CRIPT: variants seen among roughly 807,000 people sequenced by gnomAD.
CRIPT encodes the protein cysteine-rich PDZ-binding protein.
CRIPT carries 20 observed loss-of-function variants against 16.6 expected under a neutral mutation model. That is an observed-to-expected ratio of 1.20 (90% CI 0.85 to 1.75). The LOEUF is 1.75. Ranked by LOEUF, CRIPT falls within the 40% of genes most tolerant of loss-of-function variation. The pLI is 0.00. For missense variants in CRIPT, 133 were observed against 115.3 expected, an observed-to-expected ratio of 1.15 and a Z score of -0.70; for synonymous variants, 42 against 37.0, an observed-to-expected ratio of 1.14 and a Z score of -0.49.
In CRIPT at chr2:46,625,974, G is replaced by A. The variant is rs372853600; in HGVS notation, c.*1747G>A. On this transcript the variant is annotated 3_prime_UTR_variant, in exon 5 of 5. Transcript: ENST00000238892. ...TTTCAACTTTTATTTTAGATGTAGG[G>A]GTACATGTGCAGGTGAGTTATATGG... Among the ~76,000 whole-genome samples, 11 of 152,012 alleles carry A rather than the reference G, an allele frequency of 7.2e-5. No individual in the cohort carries two copies. The highest frequency in any genetic ancestry group is 2.7e-4 in the African/African-American group (11 of 41,368).
rs1254967135 is a variant in CRIPT, at chr2:46,625,030, A to G, written c.*803A>G. 1.3e-5 allele frequency: 2 copies of G among 150,332 alleles called. No homozygotes were observed. The highest frequency in any genetic ancestry group is 3.0e-5 in the Non-Finnish European group (2 of 67,646). 9.3% of individuals were successfully genotyped at this position (150,332 alleles called of 1,614,324 possible). A position where few individuals can be genotyped will look rare whatever the true frequency, so the allele number is the denominator to read the frequency against. On this transcript the variant is annotated 3_prime_UTR_variant, in exon 5 of 5. Transcript: ENST00000238892. ...CTGTCTTGCCCCCTAAAAGAAATAAATAGAGCAAACATCTTGACTCTCCCT... is the reference window on the plus strand; with the variant it reads ...CTGTCTTGCCCCCTAAAAGAAATAAGTAGAGCAAACATCTTGACTCTCCCT...
At position 46,625,576 on chromosome 2, in the gene CRIPT, C is replaced by A. The variant is rs1458610221; in HGVS notation, c.*1349C>A. On this transcript the variant is annotated 3_prime_UTR_variant, in exon 5 of 5. Transcript: ENST00000238892. ...AATGTATAGAAAGTGTGATGAGATA[C>A]ATGAATGGCATTTTTATTGGTCATA... 1 of 151,896 alleles carries A rather than the reference C, an allele frequency of 6.6e-6. No homozygotes were observed. Among genetic ancestry groups the A allele is most frequent in the South Asian group, 2.1e-4 (1 of 4,808 alleles). 9.4% of individuals were successfully genotyped at this position (151,896 alleles called of 1,614,324 possible). A position where few individuals can be genotyped will look rare whatever the true frequency, so the allele number is the denominator to read the frequency against.
At chr2:46,617,875 C>T (rs1225574642) in intron 1 of CRIPT, among the ~76,000 whole-genome samples, 1 of 152,000 alleles carries the variant, frequency 6.6e-6, no homozygotes, top group African/African-American at 2.4e-5. Context: ...ACCTGGCGTT[C>T]AGGACCCTCC....
At position 46,619,625 on chromosome 2, in the gene CRIPT, A is replaced by G; in HGVS notation, c.83-2A>G. On this transcript the variant is annotated splice_acceptor_variant, in intron 2 of 4. Coordinates refer to ENST00000238892, the MANE Select transcript of CRIPT (RefSeq NM_014171.6). LOFTEE classifies it high-confidence loss of function. ...ACTAAAATATCTTTTATTCTGATAC[A>G]GAAAGTGGTGGAAGAAAGCTGAATG... 1 of 1,607,064 alleles carries G rather than the reference A, an allele frequency of 6.2e-7. No homozygotes were observed. The highest frequency in any genetic ancestry group is 8.5e-7 in the Non-Finnish European group (1 of 1,174,920).
At chr2:46,618,360 C>CT (rs1332124373) in intron 1 of CRIPT, among the ~76,000 whole-genome samples, 1 of 152,034 alleles carries the variant, frequency 6.6e-6, no homozygotes, top group African/African-American at 2.4e-5. Context: ...TCTTAAGATC[C>CT]ACCTGTGGAA....
Position 46,630,027 on chromosome 2 carries a change from T to G in CRIPT, c.*5800T>G, listed in dbSNP as rs976221225. 6.6e-6 allele frequency among the ~76,000 whole-genome samples: 1 copy of G among 152,180 alleles called. No individual in the cohort carries two copies. Among genetic ancestry groups the G allele is most frequent in the Non-Finnish European group, 1.5e-5 (1 of 68,032 alleles). On this transcript the variant is annotated 3_prime_UTR_variant, in exon 5 of 5. Coordinates refer to ENST00000238892, the MANE Select transcript of CRIPT (RefSeq NM_014171.6). ...TTATCATCAACTTCGAGTAAGTACT[T>G]TTTTCTGAGCCATTTGAATATTCCT... is the stretch of plus-strand genomic sequence containing the variant.
chr2:46,618,500 T>A (rs1670723728), intron 1 of CRIPT, among the ~76,000 whole-genome samples: 1 of 152,234 alleles, frequency 6.6e-6, no homozygotes, highest in Admixed American at 6.5e-5. Context: ...TATATATTTA[T>A]GGAACAAATA....
At position 46,629,994 on chromosome 2, in the gene CRIPT, G is replaced by T. The variant is rs935178984; in HGVS notation, c.*5767G>T. Among the ~76,000 whole-genome samples the T allele has an allele frequency of 6.6e-6, 1 of 151,980 alleles. No homozygotes were observed. Among genetic ancestry groups the T allele is most frequent in the African/African-American group, 2.4e-5 (1 of 41,344 alleles). The stretch of plus-strand genomic sequence containing the variant: ...GTCATCATTCTACTGTAAGGAAGAG[G>T]TTTCCCTTTATCATCAACTTCGAGT... On this transcript the variant is annotated 3_prime_UTR_variant, in exon 5 of 5. Coordinates refer to ENST00000238892, the MANE Select transcript of CRIPT (RefSeq NM_014171.6).
At chr2:46,617,473 T>C (rs746320620) in intron 1 of CRIPT, among the ~76,000 whole-genome samples, 175 bp downstream of exon 1, 2 of 152,142 alleles carry the variant, frequency 1.3e-5, no homozygotes, top group Non-Finnish European at 2.9e-5. Context: ...CATACAGTCC[T>C]ATATATTTTG....
In CRIPT at chr2:46,629,762, C is replaced by G. The variant is rs976984960; in HGVS notation, c.*5535C>G. On this transcript the variant is annotated 3_prime_UTR_variant, in exon 5 of 5. Transcript: ENST00000238892. ...CACTTGGGTAAGATGTCCAGTTTCT[C>G]CAGTGTATCGTTATTGTTTTTCCTT... is the stretch of plus-strand genomic sequence containing the variant. 6.6e-6 allele frequency among the ~76,000 whole-genome samples: 1 copy of G among 152,118 alleles called. No individual in the cohort carries two copies. Among genetic ancestry groups the G allele is most frequent in the Non-Finnish European group, 1.5e-5 (1 of 68,038 alleles).
chr2:46,629,793 A>G lies in CRIPT; in HGVS notation c.*5566A>G, dbSNP rs1426673737. On this transcript the variant is annotated 3_prime_UTR_variant, in exon 5 of 5. Transcript: ENST00000238892. ...TATCGTTATTGTTTTTCCTTTTGCA[A>G]TTAGTGGGTAATTTGTGAGGAGAAA... is the stretch of plus-strand genomic sequence containing the variant. Among the ~76,000 whole-genome samples, 4 of 152,144 alleles carry G rather than the reference A, an allele frequency of 2.6e-5. No individual in the cohort carries two copies. Among genetic ancestry groups the G allele is most frequent in the Admixed American group, 6.5e-5 (1 of 15,272 alleles).
chr2:46,627,040 C>G lies in CRIPT; in HGVS notation c.*2813C>G, dbSNP rs1455526884. Among the ~76,000 whole-genome samples the G allele has an allele frequency of 6.6e-6, 1 of 152,128 alleles. No homozygotes were observed. The highest frequency in any genetic ancestry group is 1.5e-5 in the Non-Finnish European group (1 of 68,030). ...TAGAGACAGGGTTTCACCATGTTGGCCAGCCTGGTCTCGAATTCCTGACCT... is the reference window on the plus strand; with the variant it reads ...TAGAGACAGGGTTTCACCATGTTGGGCAGCCTGGTCTCGAATTCCTGACCT... On this transcript the variant is annotated 3_prime_UTR_variant, in exon 5 of 5. Coordinates refer to ENST00000238892, the MANE Select transcript of CRIPT (RefSeq NM_014171.6).
rs1197805208 is a variant in CRIPT, at chr2:46,628,133, G to A, written c.*3906G>A. Among the ~76,000 whole-genome samples the A allele has an allele frequency of 2.8e-5, 4 of 142,314 alleles. No individual in the cohort carries two copies. The highest frequency in any genetic ancestry group is 2.2e-4 in the South Asian group (1 of 4,602). The allele number at this position is 142,314 out of a possible 152,430, so 93.4% of individuals were successfully genotyped here. A position where few individuals can be genotyped will look rare whatever the true frequency, so the allele number is the denominator to read the frequency against. On this transcript the variant is annotated 3_prime_UTR_variant, in exon 5 of 5. Coordinates refer to ENST00000238892, the MANE Select transcript of CRIPT (RefSeq NM_014171.6). ...TTTTCTTTTTTTTTTTTTTTGAGAC[G>A]GAGTCTTGCTGTGTCTCCCAGGCTC...
At chr2:46,617,333 G>A in intron 1 of CRIPT, 35 bp downstream of exon 1, 1 of 1,551,506 alleles carries the variant, frequency 6.4e-7, no homozygotes, top group Non-Finnish European at 8.7e-7. Context: ...GGAGGAGGAG[G>A]CTGGGAGAAC....
Position 46,627,586 on chromosome 2 carries a change from A to C in CRIPT, c.*3359A>C, listed in dbSNP as rs996131744. Among the ~76,000 whole-genome samples the C allele has an allele frequency of 6.6e-6, 1 of 151,890 alleles. No homozygotes were observed. Among genetic ancestry groups the C allele is most frequent in the Non-Finnish European group, 1.5e-5 (1 of 67,956 alleles). ...AGCCTCCCAACCTAACTGGGATTACAGGCACATGCCACCACGCCTGGCTAA... is the reference window on the plus strand; with the variant it reads ...AGCCTCCCAACCTAACTGGGATTACCGGCACATGCCACCACGCCTGGCTAA... On this transcript the variant is annotated 3_prime_UTR_variant, in exon 5 of 5. Coordinates refer to ENST00000238892, the MANE Select transcript of CRIPT (RefSeq NM_014171.6).
chr2:46,625,094 A>G lies in CRIPT; in HGVS notation c.*867A>G, dbSNP rs1032225183. 4 of 123,452 alleles carry G rather than the reference A, an allele frequency of 3.2e-5. No homozygotes were observed. Among genetic ancestry groups the G allele is most frequent in the African/African-American group, 1.3e-4 (4 of 29,810 alleles). The allele number at this position is 123,452 out of a possible 1,614,324, so 7.6% of individuals were successfully genotyped here. On this transcript the variant is annotated 3_prime_UTR_variant, in exon 5 of 5. Transcript: ENST00000238892. ...TTGTTTTTTTTTTTTTTTTTTGGAT[A>G]CAAGAGCTCACTCTGTTGCCCAGGG...
At chr2:46,619,078 TCA>T (rs1445003114) in intron 2 of CRIPT, among the ~76,000 whole-genome samples, 1 of 152,182 alleles carries the variant, frequency 6.6e-6, no homozygotes, top group Non-Finnish European at 1.5e-5. Context: ...GATGGCAATA[TCA>T]CAGTATTTGA....
intron 3 of CRIPT, among the ~76,000 whole-genome samples, chr2:46,620,686 T>TTA (rs34432167): frequency 0.41 from 60,046 of 145,174 alleles, 12,766 homozygotes; most frequent in African/African-American, 0.49. Context: ...AAGCTATATG[T>TTA]TATATATATA....
At chr2:46,622,181 A>AAC (rs1670820300) in intron 3 of CRIPT, among the ~76,000 whole-genome samples, 1 of 151,596 alleles carries the variant, frequency 6.6e-6, no homozygotes, top group African/African-American at 2.4e-5. Context: ...CATCCTGGCT[A>AAC]ACATGGTGAA....
Sources: gnomAD v4.1 joint callset for allele counts (sites outside exome capture counted in the v4.1 genomes callset) on GRCh38, gnomAD v4.1.1 for gene constraint, MANE v1.5 for transcripts, NCBI Gene and HGNC (gene_info 2026-07-23, HGNC 2026-07-21) for gene names.